Variants in ARSG observed in about 807,000 individuals in gnomAD.
ARSG encodes ASG.
ARSG carries 37 observed loss-of-function variants against 50.5 expected under a neutral mutation model. That is an observed-to-expected ratio of 0.73 (90% CI 0.56 to 0.96). The LOEUF is 0.96. Ranked by LOEUF, ARSG falls within the 50% of genes least tolerant of loss-of-function variation. The probability of loss-of-function intolerance (pLI) is 0.00; values close to 1 mark genes in which losing one functional copy is unlikely to be tolerated. For synonymous variants in ARSG, 225 were observed against 254.6 expected (o/e 0.88, Z 1.11); for missense variants, 629 against 675.3 (o/e 0.93, Z 0.76).
upstream of ARSG, among the ~76,000 whole-genome samples, chr17:68,290,747 C>T (rs1455135071): frequency 6.6e-6 from 1 of 152,188 alleles, no homozygotes; most frequent in Non-Finnish European, 1.5e-5. Context: ...GAGCCTGGAG[C>T]CCCCGACTCT....
At chr17:68,276,280 C>T (rs1555750868) in intron 1 of ARSG, among the ~76,000 whole-genome samples, 1 of 151,440 alleles carries the variant, frequency 6.6e-6, no homozygotes, top group Non-Finnish European at 1.5e-5. Flanking sequence ...TCTACCTTAC[C>T]CAAAGGGTAA....
chr17:68,409,778 C>T (rs71378924), intron 11 of ARSG, among the ~76,000 whole-genome samples: 51,201 of 147,844 alleles, frequency 0.35, 10,536 homozygotes, highest in African/African-American at 0.59. Context: ...TCCATTTGTT[C>T]GTATCCTCTT....
chr17:68,377,309 T>G (rs1021394407), intron 8 of ARSG, among the ~76,000 whole-genome samples: 2 of 152,252 alleles, frequency 1.3e-5, no homozygotes, highest in African/African-American at 4.8e-5. Flanking sequence ...GTCACGTGAC[T>G]GCTCTCACGC....
intron 1 of ARSG, among the ~76,000 whole-genome samples, chr17:68,277,531 G>A (rs1190620506): frequency 6.6e-6 from 1 of 152,156 alleles, no homozygotes; most frequent in East Asian, 1.9e-4. Context: ...CTGGGTTCAA[G>A]CAATTCTCGT....
intron 3 of ARSG, chr17:68,346,783 G>A (rs867436313): frequency 8.2e-5 from 107 of 1,308,382 alleles, no homozygotes; most frequent in African/African-American, 4.1e-4. Context: ...GGGCCCCAGC[G>A]CGGGAGGGCA....
intron 6 of ARSG, among the ~76,000 whole-genome samples, chr17:68,360,958 G>A (rs914358663): frequency 6.6e-6 from 1 of 152,060 alleles, no homozygotes; most frequent in African/African-American, 2.4e-5. Flanking sequence ...CCGAGTAGCT[G>A]GGATTACAGG....
intron 1 of ARSG, among the ~76,000 whole-genome samples, chr17:68,300,985 G>A (rs1454678680): frequency 6.6e-6 from 1 of 152,014 alleles, no homozygotes; most frequent in Non-Finnish European, 1.5e-5. Context: ...GGGCGTGGTG[G>A]CGGGCGCCTG....
the ARSG span, among the ~76,000 whole-genome samples, chr17:68,430,344 C>A: frequency 1.3e-5 from 2 of 152,274 alleles, no homozygotes; most frequent in South Asian, 4.1e-4. Flanking sequence ...TAAAGAGCAT[C>A]AAGGGCTTGT....
the ARSG span, among the ~76,000 whole-genome samples, chr17:68,448,700 A>T: frequency 6.6e-6 from 1 of 152,052 alleles, no homozygotes; most frequent in African/African-American, 2.4e-5. Flanking sequence ...AAACAATCTT[A>T]AAAAGATCAT....
At position 68,274,094 on chromosome 17, in the gene ARSG, A is replaced by C. The variant is rs201528766; in HGVS notation, c.-552+14668A>C. 221 of 1,606,090 alleles carry C rather than the reference A, an allele frequency of 1.4e-4. 1 individual carries two copies. In the African/African-American group the frequency reaches 2.0e-3, roughly 15 times the overall value. On this transcript the variant is annotated intron_variant, in intron 1 of 11. Transcript: ENST00000448504. ...AGCTGCCGGGAAAGAACAAAACGATATTTTAACTCACAGAGGCTTCAGGGT... is the reference window on the plus strand; with the variant it reads ...AGCTGCCGGGAAAGAACAAAACGATCTTTTAACTCACAGAGGCTTCAGGGT...
chr17:68,303,165 C>T (rs188861603), intron 1 of ARSG, among the ~76,000 whole-genome samples: 1 of 152,272 alleles, frequency 6.6e-6, no homozygotes, highest in African/African-American at 2.4e-5. Context: ...TGCTCTGTTG[C>T]CCAGGCTGGA....
At chr17:68,434,126 G>A in the ARSG span, among the ~76,000 whole-genome samples, 1 of 152,132 alleles carries the variant, frequency 6.6e-6, no homozygotes, top group Non-Finnish European at 1.5e-5. Flanking sequence ...GTCAGCAGAA[G>A]GGAGGAACTG....
rs563553728 is a variant in ARSG, at chr17:68,378,094, C to A, written c.983-6970C>A. 6.6e-6 allele frequency among the ~76,000 whole-genome samples: 1 copy of A among 152,212 alleles called. No homozygotes were observed. Among genetic ancestry groups the A allele is most frequent in the African/African-American group, 2.4e-5 (1 of 41,464 alleles). On this transcript the variant is annotated intron_variant, in intron 8 of 11. Coordinates refer to ENST00000621439, the MANE Select transcript of ARSG (RefSeq NM_001267727.2). This position sits in a 1 kb window ranked among gnomAD's most constrained non-coding sequence, Gnocchi z 4.4. ...GCTGGAGCTCTGGGAAGCCAGGCAG[C>A]GCCCTGCTCAGCAGGTGGCCATGTC...
intron 10 of ARSG, among the ~76,000 whole-genome samples, chr17:68,396,171 C>A (rs1349074244): frequency 6.6e-6 from 1 of 152,098 alleles, no homozygotes; most frequent in Non-Finnish European, 1.5e-5. Flanking sequence ...CCCATGCCAC[C>A]ATGCTCAGCT....
intron 5 of ARSG, among the ~76,000 whole-genome samples, chr17:68,353,117 G>A (rs1368764913): frequency 6.6e-6 from 1 of 151,966 alleles, no homozygotes; most frequent in Non-Finnish European, 1.5e-5. Flanking sequence ...TAATCCACGT[G>A]ACCACTGTGT....
At chr17:68,274,118 G>A in intron 1 of ARSG, 1 of 1,589,576 alleles carries the variant, frequency 6.3e-7, no homozygotes, top group South Asian at 1.1e-5. Flanking sequence ...AGGCTTCAGG[G>A]TTAGCTGCCA....
chr17:68,355,998 C>T (rs2079016225), intron 5 of ARSG, among the ~76,000 whole-genome samples: 1 of 152,202 alleles, frequency 6.6e-6, no homozygotes, highest in African/African-American at 2.4e-5. Flanking sequence ...TCTCCTGCCT[C>T]AGCCTCCTGA....
chr17:68,363,919 C>G (rs1052607504), intron 6 of ARSG, among the ~76,000 whole-genome samples: 22 of 152,240 alleles, frequency 1.4e-4, no homozygotes, highest in African/African-American at 5.1e-4. Flanking sequence ...GACCCCTTGC[C>G]CATCCATCCC....
rs1267134403 is a variant in ARSG, at chr17:68,367,985, G to C, written c.705-563G>C. On this transcript the variant is annotated intron_variant, in intron 6 of 11. Coordinates refer to ENST00000621439, the MANE Select transcript of ARSG (RefSeq NM_001267727.2). This position sits in a 1 kb window ranked among gnomAD's most constrained non-coding sequence, Gnocchi z 4.5. ...CTCAGGAGGCTGAGGCGGGAGTATC[G>C]CTTGAACCCAGGAGGCGGAAGTTGC... 1.3e-5 allele frequency among the ~76,000 whole-genome samples: 2 copies of C among 152,090 alleles called. No individual in the cohort carries two copies. The highest frequency in any genetic ancestry group is 2.9e-5 in the Non-Finnish European group (2 of 68,004).
Sources: allele counts gnomAD v4.1 joint callset (sites outside exome capture counted in the v4.1 genomes callset), GRCh38; gene constraint gnomAD v4.1.1; non-coding constraint Gnocchi (gnomAD v3.1); transcripts MANE v1.5; gene names NCBI Gene and HGNC (gene_info 2026-07-23, HGNC 2026-07-21).